MPPED1: variants seen among roughly 807,000 people sequenced by gnomAD.
MPPED1 encodes the protein metallophosphoesterase domain containing 1.
Under a neutral mutation model 36.2 loss-of-function variants are expected in MPPED1, and 16 were observed. That is an observed-to-expected ratio of 0.44 (90% CI 0.30 to 0.67). The LOEUF is 0.67. Among genes scored for constraint, MPPED1 ranks in the 30% least tolerant of loss-of-function variants. The probability of loss-of-function intolerance (pLI) is 0.10; values close to 1 mark genes in which losing one functional copy is unlikely to be tolerated. For missense variants in MPPED1, 307 were observed against 453.4 expected (o/e 0.68, Z 2.93); for synonymous variants, 199 against 191.3 (o/e 1.04, Z -0.33).
At chr22:43,413,275 G>A (rs1285076720) in intron 1 of MPPED1, among the ~76,000 whole-genome samples, 2 of 152,184 alleles carry the variant, frequency 1.3e-5, no homozygotes, top group Admixed American at 1.3e-4. Flanking sequence ...GCTGGCTCAC[G>A]GGAGTTGAAT....
intron 3 of MPPED1, among the ~76,000 whole-genome samples, chr22:43,466,964 C>T (rs1380258857): frequency 1.3e-5 from 2 of 152,212 alleles, no homozygotes; most frequent in Non-Finnish European, 2.9e-5. Flanking sequence ...TCCTTTGTGA[C>T]AGCCATTTCT....
chr22:43,458,836 G>A (rs533417830), intron 3 of MPPED1, among the ~76,000 whole-genome samples: 5 of 152,246 alleles, frequency 3.3e-5, no homozygotes, highest in East Asian at 1.9e-4. Flanking sequence ...TCTTCCTAGC[G>A]TTTGTATATC....
At chr22:43,428,829 G>A (rs1929575557) in intron 2 of MPPED1, among the ~76,000 whole-genome samples, 1 of 151,884 alleles carries the variant, frequency 6.6e-6, no homozygotes, top group Non-Finnish European at 1.5e-5. Flanking sequence ...AACCCTATGG[G>A]GGTCTCAGGA....
At chr22:43,498,842 C>T (rs1415221619) in intron 5 of MPPED1, among the ~76,000 whole-genome samples, 1 of 151,800 alleles carries the variant, frequency 6.6e-6, no homozygotes, top group African/African-American at 2.4e-5. Context: ...CCCTCATCTG[C>T]ATACTGCCTC....
chr22:43,505,800 T>G lies in MPPED1; in HGVS notation c.*184T>G. 3.1e-5 allele frequency: 18 copies of G among 572,496 alleles called. No homozygotes were observed. Among genetic ancestry groups the G allele is most frequent in the Admixed American group, 9.3e-5 (3 of 32,190 alleles). The allele number at this position is 572,496 out of a possible 1,614,324, so 35.5% of individuals were successfully genotyped here. On this transcript the variant is annotated 3_prime_UTR_variant, in exon 7 of 7. Coordinates refer to ENST00000443721, the MANE Select transcript of MPPED1 (RefSeq NM_001044370.2). ...TCACCTGGAGTTGGGACCCTGCGCATCCCCATCAGGGGTTCTGTGCTCATT... is the reference window on the plus strand; with the variant it reads ...TCACCTGGAGTTGGGACCCTGCGCAGCCCCATCAGGGGTTCTGTGCTCATT...
At chr22:43,495,518 G>GAGA (rs1932263711) in intron 4 of MPPED1, among the ~76,000 whole-genome samples, 1 of 49,664 alleles carries the variant, frequency 2.0e-5, no homozygotes. Flanking sequence ...GGTGGTGGTG[G>GAGA]TGGAGGTGGT....
At chr22:43,486,699 A>C (rs1931921808) in intron 4 of MPPED1, among the ~76,000 whole-genome samples, 1 of 151,960 alleles carries the variant, frequency 6.6e-6, no homozygotes, top group Middle Eastern at 3.4e-3. Context: ...AGTTGCCAGC[A>C]CTCAGCCTGC....
At chr22:43,500,152 T>G (rs1440002326) in intron 5 of MPPED1, among the ~76,000 whole-genome samples, 1 of 73,294 alleles carries the variant, frequency 1.4e-5, no homozygotes, top group Middle Eastern at 9.4e-3. Flanking sequence ...GTGGTGGGGG[T>G]GGTGGTGGTG....
chr22:43,461,768 T>G (rs1930965352), intron 3 of MPPED1, among the ~76,000 whole-genome samples: 1 of 152,128 alleles, frequency 6.6e-6, no homozygotes, highest in Non-Finnish European at 1.5e-5. Context: ...GAGGGGAAAA[T>G]CATGGGTTTC....
In MPPED1 at chr22:43,474,006, G is replaced by A. The variant is rs575288923; in HGVS notation, c.407-730G>A. ...GACATTTTTGTTTTGATTCCATCTA[G>A]ATTTTGTTTTGGCTTTGAATTTCCA... On this transcript the variant is annotated intron_variant, in intron 3 of 6. Transcript: ENST00000443721. This position sits in a 1 kb window ranked among gnomAD's most constrained non-coding sequence, Gnocchi z 5.2. 4.3e-4 allele frequency among the ~76,000 whole-genome samples: 66 copies of A among 152,326 alleles called. No homozygotes were observed. The highest frequency in any genetic ancestry group is 3.2e-4 in the Non-Finnish European group (22 of 68,026).
intron 6 of MPPED1, among the ~76,000 whole-genome samples, chr22:43,503,913 G>A (rs962676125): frequency 1.3e-5 from 2 of 152,112 alleles, no homozygotes; most frequent in Admixed American, 1.3e-4. Flanking sequence ...CCAGCACCAC[G>A]CAGGGAAGGG....
chr22:43,428,210 G>T (rs539359540), intron 2 of MPPED1, among the ~76,000 whole-genome samples: 1 of 152,254 alleles, frequency 6.6e-6, no homozygotes, highest in East Asian at 1.9e-4. Context: ...AGCAGGCCCC[G>T]CAAGGATTCA....
chr22:43,486,803 A>C (rs1365499763), intron 4 of MPPED1, among the ~76,000 whole-genome samples: 1 of 152,030 alleles, frequency 6.6e-6, no homozygotes, highest in East Asian at 1.9e-4. Context: ...GGGTGTGAGC[A>C]TCCTGGATCT....
chr22:43,471,657 C>A (rs1931381292), intron 3 of MPPED1, among the ~76,000 whole-genome samples: 1 of 152,232 alleles, frequency 6.6e-6, no homozygotes, highest in Non-Finnish European at 1.5e-5. Flanking sequence ...CCCACGCAGC[C>A]CTCTTCCCTC....
At chr22:43,413,529 G>C (rs1928980035) in intron 1 of MPPED1, among the ~76,000 whole-genome samples, 1 of 152,248 alleles carries the variant, frequency 6.6e-6, no homozygotes, top group Admixed American at 6.5e-5. Flanking sequence ...GGAGGGTGCT[G>C]ATGGATTCGG....
intron 1 of MPPED1, among the ~76,000 whole-genome samples, chr22:43,420,112 C>T (rs1285497878): frequency 6.6e-6 from 1 of 152,206 alleles, no homozygotes; most frequent in Non-Finnish European, 1.5e-5. Flanking sequence ...CCTCTGTAAC[C>T]CCTCAAGGGG....
chr22:43,495,683 A>G (rs867582256), intron 4 of MPPED1, among the ~76,000 whole-genome samples: 1,047 of 4,094 alleles, frequency 0.26, 1 homozygote, highest in Middle Eastern at 0.3. Context: ...GGTGGTGGAG[A>G]TGGTGGTGGT....
intron 2 of MPPED1, among the ~76,000 whole-genome samples, chr22:43,434,409 C>G (rs181012935): frequency 1.7e-3 from 254 of 152,314 alleles, no homozygotes; most frequent in Admixed American, 4.2e-3. Flanking sequence ...CGACGGCGGA[C>G]GTGCGCTGCA....
At chr22:43,493,771 A>T (rs932058364) in intron 4 of MPPED1, among the ~76,000 whole-genome samples, 6 of 152,108 alleles carry the variant, frequency 3.9e-5, no homozygotes, top group Admixed American at 3.3e-4. Flanking sequence ...CAATTTTCTC[A>T]TCTACAAACC....
Sources: gnomAD v4.1 joint callset for allele counts (sites outside exome capture counted in the v4.1 genomes callset) on GRCh38, gnomAD v4.1.1 for gene constraint, Gnocchi (gnomAD v3.1) non-coding constraint, MANE v1.5 for transcripts, NCBI Gene and HGNC (gene_info 2026-07-23, HGNC 2026-07-21) for gene names.